The following MRPL37 variants were observed in gnomAD, a reference collection of about 807,000 sequenced individuals.
MRPL37 encodes the protein large ribosomal subunit protein mL37.
A neutral mutation model predicts 44.1 loss-of-function variants in MRPL37; 34 were observed. That is an observed-to-expected ratio of 0.77 (90% CI 0.59 to 1.03). The LOEUF is 1.03. Among genes scored for constraint, MRPL37 ranks in the 50% least tolerant of loss-of-function variants. The probability of loss-of-function intolerance (pLI) is 0.00; values close to 1 mark genes in which losing one functional copy is unlikely to be tolerated. For synonymous variants in MRPL37, 212 were observed against 219.5 expected, an observed-to-expected ratio of 0.97 and a Z score of 0.30; for missense variants, 532 against 543.7, an observed-to-expected ratio of 0.98 and a Z score of 0.21.
At chr1:54,207,942 G>A (rs1644135859) in intron 3 of MRPL37, among the ~76,000 whole-genome samples, 1 of 152,116 alleles carries the variant, frequency 6.6e-6, no homozygotes, top group African/African-American at 2.4e-5. Flanking sequence ...GAAAACCCAA[G>A]CACCTTCTGA....
intron 3 of MRPL37, among the ~76,000 whole-genome samples, chr1:54,208,323 A>G (rs1386656865): frequency 4.6e-5 from 7 of 152,048 alleles, no homozygotes; most frequent in African/African-American, 7.2e-5. Flanking sequence ...TGGGTGGATC[A>G]TGAGGTCAGG....
chr1:54,200,269 G>A lies in MRPL37; in HGVS notation c.26G>A (p.Arg9Lys). The A allele has an allele frequency of 6.3e-7, 1 of 1,598,480 alleles. No individual in the cohort carries two copies. The highest frequency in any genetic ancestry group is 8.5e-7 in the Non-Finnish European group (1 of 1,174,100). Residue 9 changes from arginine (R) to lysine (K), a missense_variant, in exon 1 of 7, where the codon AGG becomes AAG. Coordinates refer to ENST00000360840, the MANE Select transcript of MRPL37 (RefSeq NM_016491.4). ...ATGGCATTGGCGTCCGGGCCCGCAA[G>A]GCGGGCGCTAGCTGGCTCCGGGCAG... Reference protein sequence around the residue: MALASGPARRALAGSGQLG... With the variant: MALASGPAKRALAGSGQLG...
chr1:54,219,932 C>T (rs577808945), downstream of MRPL37, among the ~76,000 whole-genome samples: 77 of 152,350 alleles, frequency 5.1e-4, no homozygotes, highest in African/African-American at 1.8e-3. Flanking sequence ...CTGTTGATGG[C>T]AGTCCGGGTT....
At chr1:54,214,319 G>A (rs190095967) in intron 5 of MRPL37, among the ~76,000 whole-genome samples, 1 of 152,330 alleles carries the variant, frequency 6.6e-6, no homozygotes, top group Admixed American at 6.5e-5. Context: ...TGAAACTGAG[G>A]CTCAGGGAGG....
intron 1 of MRPL37, among the ~76,000 whole-genome samples, chr1:54,202,272 G>A (rs934459081): frequency 6.6e-6 from 1 of 152,124 alleles, no homozygotes; most frequent in African/African-American, 2.4e-5. Context: ...AAAGTGCTGG[G>A]ATTATAGGTG....
At chr1:54,215,598 G>C (rs993417533) in intron 5 of MRPL37, among the ~76,000 whole-genome samples, 2 of 152,162 alleles carry the variant, frequency 1.3e-5, no homozygotes, top group African/African-American at 2.4e-5. Flanking sequence ...CAGGGGCGTG[G>C]GGGAAGGGTG....
chr1:54,211,253 T>A (rs1644162538), intron 4 of MRPL37, among the ~76,000 whole-genome samples: 1 of 152,128 alleles, frequency 6.6e-6, no homozygotes, highest in African/African-American at 2.4e-5. Context: ...TCTTGACATG[T>A]CCCTCCATAC....
At chr1:54,222,498 G>A (rs892673230), downstream of MRPL37, among the ~76,000 whole-genome samples, 1 of 152,110 alleles carries the variant, frequency 6.6e-6, no homozygotes, top group Non-Finnish European at 1.5e-5. Flanking sequence ...CCAGAGTCAC[G>A]GTGGGCGTGG....
intron 3 of MRPL37, among the ~76,000 whole-genome samples, chr1:54,207,739 G>A (rs1644134279): frequency 6.6e-6 from 1 of 152,174 alleles, no homozygotes; most frequent in Non-Finnish European, 1.5e-5. Flanking sequence ...GAGGAAACAG[G>A]AAATACTTTA....
At chr1:54,204,395 CAAA>C (rs879671756) in intron 1 of MRPL37, among the ~76,000 whole-genome samples, 2 of 132,912 alleles carry the variant, frequency 1.5e-5, no homozygotes, top group Non-Finnish European at 1.6e-5. Context: ...GACTTTGTCT[CAAA>C]AAAAAAAAAA....
chr1:54,205,156 G>A lies in MRPL37; in HGVS notation c.485G>A (p.Arg162His), dbSNP rs766675748. 81 of 1,613,986 alleles carry A rather than the reference G, an allele frequency of 5.0e-5. No homozygotes were observed. Among genetic ancestry groups the A allele is most frequent in the Non-Finnish European group, 6.0e-5 (71 of 1,179,998 alleles). ...ECVLNVISHA[R>H]LWQTTEEIPK... is the part of the protein sequence containing the mutation. Reference sequence around the variant, plus strand: ...GTTCTGAATGTGATCTCTCACGCCCGTCTCTGGCAGACCACTGAGGAAATC... The same window carrying A: ...GTTCTGAATGTGATCTCTCACGCCCATCTCTGGCAGACCACTGAGGAAATC... The change falls in exon 2 of 7, where the codon CGT (arginine) becomes CAT (histidine). Residue 162 changes from arginine to histidine, a missense_variant. Transcript: ENST00000360840.
At chr1:54,212,750 G>A in intron 5 of MRPL37, 92 bp downstream of exon 5, 1 of 1,533,660 alleles carries the variant, frequency 6.5e-7, no homozygotes, top group South Asian at 1.2e-5. Context: ...GGGATATAGG[G>A]GAACTGATTT....
At position 54,205,348 on chromosome 1, in the gene MRPL37, A is replaced by C. The variant is rs758380442; in HGVS notation, c.584A>C (p.His195Pro). 1 of 1,614,182 alleles carries C rather than the reference A, an allele frequency of 6.2e-7. No individual in the cohort carries two copies. The highest frequency in any genetic ancestry group is 8.5e-7 in the Non-Finnish European group (1 of 1,180,018). ...CTGTGTAAATCTCAGATTCTCAAGC[A>C]TCCTTCTCTGGCCAGGAGGATCTGT... ...IQLCKSQILK[H>P]PSLARRICVQ... The change falls in exon 3 of 7, where the codon CAT becomes CCT. Residue 195 changes from histidine (H) to proline (P), a missense_variant. Coordinates refer to ENST00000360840, the MANE Select transcript of MRPL37 (RefSeq NM_016491.4).
chr1:54,210,179 A>G (rs779511974), intron 4 of MRPL37, 48 bp downstream of exon 4: 5 of 1,568,556 alleles, frequency 3.2e-6, no homozygotes, highest in Non-Finnish European at 3.5e-6. Flanking sequence ...GGAGAAGGAC[A>G]TGCTTTTTCT....
In MRPL37 at chr1:54,200,197, G is replaced by C. The variant is rs757119566; in HGVS notation, c.-47G>C. The C allele has an allele frequency of 6.7e-7, 1 of 1,500,254 alleles. No homozygotes were observed. Among genetic ancestry groups the C allele is most frequent in the Non-Finnish European group, 8.8e-7 (1 of 1,130,834 alleles). The allele number at this position is 1,500,254 out of a possible 1,614,324, so 92.9% of individuals were successfully genotyped here. A position where few individuals can be genotyped will look rare whatever the true frequency, so the allele number is the denominator to read the frequency against. Reference sequence around the variant, plus strand: ...TCGTTCCCAGCAGGCCCTGCGCGCGGCAACATGGCGGGGTCCAGGTGGAGG... The same window carrying C: ...TCGTTCCCAGCAGGCCCTGCGCGCGCCAACATGGCGGGGTCCAGGTGGAGG... On this transcript the variant is annotated 5_prime_UTR_variant, in exon 1 of 7. Coordinates refer to ENST00000360840, the MANE Select transcript of MRPL37 (RefSeq NM_016491.4).
downstream of MRPL37, among the ~76,000 whole-genome samples, chr1:54,222,482 T>C (rs1644243102): frequency 6.6e-6 from 1 of 152,024 alleles, no homozygotes; most frequent in Non-Finnish European, 1.5e-5. Context: ...GAGCGTGGAC[T>C]TGGTCCCAGA....
At position 54,206,087 on chromosome 1, in the gene MRPL37, T is replaced by C. The variant is rs1644119583; in HGVS notation, c.646+677T>C. 2.0e-5 allele frequency among the ~76,000 whole-genome samples: 3 copies of C among 151,838 alleles called. No homozygotes were observed. The South Asian group carries it at 6.2e-4, about 31-fold the overall frequency. On this transcript the variant is annotated intron_variant, in intron 3 of 6. Transcript: ENST00000360840. Reference sequence around the variant, plus strand: ...TACTCTTTTTTGTTTGATTTTTATTTTTGTTTATTTATTTATTTATTTATT... The same window carrying C: ...TACTCTTTTTTGTTTGATTTTTATTCTTGTTTATTTATTTATTTATTTATT...
intron 4 of MRPL37, among the ~76,000 whole-genome samples, chr1:54,211,976 TC>T (rs1378326804): frequency 6.6e-6 from 1 of 152,174 alleles, no homozygotes; most frequent in East Asian, 1.9e-4. Flanking sequence ...GTTGTGTGGG[TC>T]AGTTGTGAAT....
downstream of MRPL37, among the ~76,000 whole-genome samples, chr1:54,224,309 G>A (rs80206862): frequency 9.3e-3 from 1,411 of 152,234 alleles, 19 homozygotes; most frequent in African/African-American, 0.032. Flanking sequence ...GGACCAGATG[G>A]AATCTCCTAG....
Sources: gnomAD v4.1 joint callset for allele counts (sites outside exome capture counted in the v4.1 genomes callset) on GRCh38, gnomAD v4.1.1 for gene constraint, MANE v1.5 for transcripts, NCBI Gene and HGNC (gene_info 2026-07-23, HGNC 2026-07-21) for gene names.